Variants in KLHL5 observed in about 807,000 individuals in gnomAD.
KLHL5 encodes kelch-like protein 5.
A neutral mutation model predicts 77.7 loss-of-function variants in KLHL5; 48 were observed. The observed-to-expected ratio is 0.62, with a 90% CI of 0.49 to 0.79. KLHL5 has a LOEUF of 0.79. KLHL5 is among the 30% of genes least tolerant of loss of function. KLHL5 has a pLI of 0.00. For synonymous variants in KLHL5, 260 were observed against 297.0 expected (o/e 0.88, Z 1.28); for missense variants, 723 against 859.7 (o/e 0.84, Z 1.99).
In KLHL5 at chr4:39,062,486, T is replaced by A; in HGVS notation, c.-167T>A. ...CCTTTGTTCTTTAAAATCTGATATA[T>A]TGGCATAAAAGTAATTGTAGATATA... On this transcript the variant is annotated 5_prime_UTR_variant, in exon 1 of 11. In the 5' UTR this introduces an upstream ATG that the reference lacks. Coordinates refer to ENST00000504108, the MANE Select transcript of KLHL5 (RefSeq NM_015990.5). The A allele has an allele frequency of 6.3e-7, 1 of 1,585,174 alleles. No homozygotes were observed. Among genetic ancestry groups the A allele is most frequent in the Non-Finnish European group, 8.6e-7 (1 of 1,165,342 alleles).
Position 39,081,815 on chromosome 4 carries a change from T to C in KLHL5, c.704-148T>C. ...AATAATTTTTTCCCCATTTAGTCCT[T>C]CTTTTCTTTTTGGGATGTCTTAAAC... On this transcript the variant is annotated intron_variant, in intron 3 of 10. Coordinates refer to ENST00000504108, the MANE Select transcript of KLHL5 (RefSeq NM_015990.5). The surrounding 1 kb of genome is among the most constrained non-coding windows in gnomAD (Gnocchi z 4.3). The C allele has an allele frequency of 2.0e-6, 1 of 501,834 alleles. No individual in the cohort carries two copies. 31.1% of individuals were successfully genotyped at this position (501,834 alleles called of 1,614,324 possible).
chr4:39,109,016 G>A (rs1335518402), intron 8 of KLHL5, among the ~76,000 whole-genome samples: 3 of 152,058 alleles, frequency 2.0e-5, no homozygotes, highest in African/African-American at 7.2e-5. Context: ...CTAAAGTACA[G>A]TTAATTGAAT....
Position 39,086,718 on chromosome 4 carries a change from T to G in KLHL5, c.1104T>G (p.Leu368=), listed in dbSNP as rs1382330240. 47 of 1,611,886 alleles carry G rather than the reference T, an allele frequency of 2.9e-5. No individual in the cohort carries two copies. Among genetic ancestry groups the G allele is most frequent in the Non-Finnish European group, 3.7e-5 (44 of 1,178,226 alleles). Residue 368 remains leucine, a synonymous_variant, in exon 5 of 11, where the codon CTT becomes CTG. Coordinates refer to ENST00000504108, the MANE Select transcript of KLHL5 (RefSeq NM_015990.5). ...TGGCTTATATTAGGCTACCTCTTCT[T>G]GCACCACAGGTAATTAATAGGCACT... ...KLLAYIRLPL[L]APQFLADMEN... is the part of the protein sequence containing the mutation.
At chr4:39,120,190 A>T (rs991774805) in intron 10 of KLHL5, 3 of 152,262 alleles carry the variant, frequency 2.0e-5, no homozygotes, top group African/African-American at 7.2e-5. Context: ...CTCCTGGGTC[A>T]AATGCATAGA....
At chr4:39,104,594 T>C (rs1237887154) in intron 7 of KLHL5, among the ~76,000 whole-genome samples, 1 of 152,168 alleles carries the variant, frequency 6.6e-6, no homozygotes, top group African/African-American at 2.4e-5. Flanking sequence ...TAGTTCTAGG[T>C]GCCATACAAA....
intron 1 of KLHL5, among the ~76,000 whole-genome samples, chr4:39,052,482 G>T (rs1399267349): frequency 6.6e-6 from 1 of 152,088 alleles, no homozygotes; most frequent in Non-Finnish European, 1.5e-5. Context: ...GCCTGGAAAG[G>T]CAGGCAAAGA....
chr4:39,112,973 C>T (rs745467556), intron 8 of KLHL5, 47 bp from the exon 9 acceptor site: 2 of 1,524,346 alleles, frequency 1.3e-6, no homozygotes, highest in Non-Finnish European at 1.8e-6. Flanking sequence ...TTGTTCTAAG[C>T]ATAATGGCAC....
chr4:39,141,339 C>T, the KLHL5 span, among the ~76,000 whole-genome samples: 7 of 120,284 alleles, frequency 5.8e-5, no homozygotes, highest in South Asian at 5.5e-4. Context: ...GATGGAGTCT[C>T]GCTTTGTTGC....
chr4:39,057,731 T>A (rs1717101627), upstream of KLHL5, among the ~76,000 whole-genome samples: 4 of 152,274 alleles, frequency 2.6e-5, no homozygotes, highest in Admixed American at 2.6e-4. Context: ...AATTCTTGAT[T>A]TTTTTAATGC....
At chr4:39,141,967 T>A in the KLHL5 span, among the ~76,000 whole-genome samples, 18 of 152,280 alleles carry the variant, frequency 1.2e-4, no homozygotes, top group East Asian at 2.7e-3. Flanking sequence ...TTTTCATGAT[T>A]CTTTTAACCA....
downstream of KLHL5, among the ~76,000 whole-genome samples, chr4:39,128,777 C>A (rs1169238762): frequency 1.3e-5 from 2 of 151,976 alleles, no homozygotes; most frequent in African/African-American, 4.8e-5. Context: ...AGCCTGGGAA[C>A]ACAGGGAGAC....
chr4:39,062,340 A>C lies in KLHL5; in HGVS notation c.-313A>C, dbSNP rs1353643289. 1 of 1,419,186 alleles carries C rather than the reference A, an allele frequency of 7.0e-7. No individual in the cohort carries two copies. Among genetic ancestry groups the C allele is most frequent in the Non-Finnish European group, 9.2e-7 (1 of 1,092,474 alleles). The allele number at this position is 1,419,186 out of a possible 1,614,324, so 87.9% of individuals were successfully genotyped here. A position where few individuals can be genotyped will look rare whatever the true frequency, so the allele number is the denominator to read the frequency against. ...AATGAATGCTGTCAGTGTTTGTGAG[A>C]CCTAATGGTCAGTATGGGAAAGGAG... is the stretch of plus-strand genomic sequence containing the variant. On this transcript the variant is annotated 5_prime_UTR_variant, in exon 1 of 11. Coordinates refer to ENST00000504108, the MANE Select transcript of KLHL5 (RefSeq NM_015990.5).
intron 10 of KLHL5, among the ~76,000 whole-genome samples, chr4:39,116,893 A>G (rs2109597577): frequency 6.6e-6 from 1 of 152,096 alleles, no homozygotes; most frequent in Middle Eastern, 3.4e-3. Context: ...CTGGAGTGCA[A>G]TGGCACGATC....
At chr4:39,095,400 C>A (rs977278297) in intron 5 of KLHL5, among the ~76,000 whole-genome samples, 7 of 152,174 alleles carry the variant, frequency 4.6e-5, no homozygotes, top group African/African-American at 1.4e-4. Flanking sequence ...AATCTGACAA[C>A]ATTGATCATA....
intron 5 of KLHL5, among the ~76,000 whole-genome samples, chr4:39,091,842 G>T (rs1311837469): frequency 4.0e-4 from 21 of 52,442 alleles, no homozygotes; most frequent in South Asian, 2.6e-3. Flanking sequence ...CATCTGACTA[G>T]TTTTTTTTTT....
chr4:39,133,811 T>C, the KLHL5 span: 3 of 152,170 alleles, frequency 2.0e-5, no homozygotes, highest in East Asian at 5.8e-4. Flanking sequence ...AATAAAGTTT[T>C]ATTGGAACAC....
chr4:39,099,000 T>G (rs759287967), intron 6 of KLHL5, among the ~76,000 whole-genome samples: 11 of 152,128 alleles, frequency 7.2e-5, no homozygotes, highest in Non-Finnish European at 1.3e-4. Context: ...ATTATTAATA[T>G]TAAAAATAGG....
intron 1 of KLHL5, chr4:39,045,192 C>A: frequency 2.0e-6 from 2 of 981,954 alleles, no homozygotes; most frequent in Non-Finnish European, 2.4e-6. Flanking sequence ...GCTGCGGCCT[C>A]CCGGAGCGCG....
downstream of KLHL5, among the ~76,000 whole-genome samples, chr4:39,130,456 G>A (rs568715470): frequency 6.6e-6 from 1 of 152,306 alleles, no homozygotes; most frequent in South Asian, 2.1e-4. Flanking sequence ...TGGGCGTTAT[G>A]GCCATCATGA....
Sources: allele counts gnomAD v4.1 joint callset (sites outside exome capture counted in the v4.1 genomes callset), GRCh38; gene constraint gnomAD v4.1.1; non-coding constraint Gnocchi (gnomAD v3.1); transcripts MANE v1.5; gene names NCBI Gene and HGNC (gene_info 2026-07-23, HGNC 2026-07-21).